Variants in MRTFA observed in about 807,000 individuals in gnomAD.
MRTFA encodes myocardin-related transcription factor A.
In MRTFA, 20 loss-of-function variants were observed where a neutral mutation model predicts 83.5. The observed-to-expected ratio is 0.24, with a 90% confidence interval of 0.17 to 0.35. The LOEUF (loss-of-function observed/expected upper bound fraction) is 0.35. Among genes scored for constraint, MRTFA ranks in the 10% least tolerant of loss-of-function variants. MRTFA has a pLI of 1.00. For missense variants in MRTFA, 1,200 were observed against 1,224.7 expected, an observed-to-expected ratio of 0.98 and a Z score of 0.30; for synonymous variants, 659 against 541.2, an observed-to-expected ratio of 1.22 and a Z score of -3.02.
chr22:40,476,628 AT>A (rs955195120), intron 3 of MRTFA, among the ~76,000 whole-genome samples: 1 of 151,914 alleles, frequency 6.6e-6, no homozygotes, highest in Non-Finnish European at 1.5e-5. Context: ...CAAATGGCTA[AT>A]TTTTTGTACA....
chr22:40,464,780 G>A (rs1035910893), intron 3 of MRTFA, among the ~76,000 whole-genome samples: 2 of 152,100 alleles, frequency 1.3e-5, no homozygotes, highest in Non-Finnish European at 2.9e-5. Context: ...AGCCAAACTT[G>A]TTTTCCTCCC....
At chr22:40,590,171 A>G (rs1426904292) in intron 2 of MRTFA, among the ~76,000 whole-genome samples, 1 of 152,180 alleles carries the variant, frequency 6.6e-6, no homozygotes, top group Non-Finnish European at 1.5e-5. Flanking sequence ...CTCTAAGAAG[A>G]TGTATTGCTA....
intron 3 of MRTFA, among the ~76,000 whole-genome samples, chr22:40,479,961 A>T (rs1323306966): frequency 6.6e-6 from 1 of 152,206 alleles, no homozygotes; most frequent in East Asian, 1.9e-4. Flanking sequence ...ACTTTCAAAG[A>T]ATAAGCTTAT....
chr22:40,573,829 G>A (rs181556466), intron 2 of MRTFA, among the ~76,000 whole-genome samples: 1 of 152,180 alleles, frequency 6.6e-6, no homozygotes, highest in African/African-American at 2.4e-5. Flanking sequence ...CCAGAACTTT[G>A]GGAGGCTGAG....
intron 3 of MRTFA, among the ~76,000 whole-genome samples, chr22:40,492,617 C>G (rs540608024): frequency 6.6e-6 from 1 of 152,296 alleles, no homozygotes; most frequent in South Asian, 2.1e-4. Context: ...CTCTCTCTTG[C>G]CCTCCCTCCC....
Position 40,471,804 on chromosome 22 carries a change from C to T in MRTFA, c.242-8518G>A, listed in dbSNP as rs1414237072. Among the ~76,000 whole-genome samples the T allele has an allele frequency of 2.6e-5, 4 of 151,832 alleles. No homozygotes were observed. The South Asian group carries it at 6.2e-4, about 24-fold the overall frequency. Reference sequence around the variant, plus strand: ...GGAAAATCACTTGAATCTGGGAGGTCGAGGCTGTAGTGAGCTGAGACCACA... The same window carrying T: ...GGAAAATCACTTGAATCTGGGAGGTTGAGGCTGTAGTGAGCTGAGACCACA... On this transcript the variant is annotated intron_variant, in intron 3 of 14. Transcript: ENST00000355630.
intron 4 of MRTFA, among the ~76,000 whole-genome samples, chr22:40,453,120 T>C (rs2053525143): frequency 1.3e-5 from 2 of 152,174 alleles, no homozygotes; most frequent in South Asian, 2.1e-4. Context: ...TGAAGCCACA[T>C]ACCTAACACA....
At chr22:40,569,710 A>G (rs879878336) in intron 2 of MRTFA, 20 of 149,022 alleles carry the variant, frequency 1.3e-4, no homozygotes, top group Non-Finnish European at 3.0e-4. Context: ...GCAAGACTCC[A>G]TAATTAATAC....
At chr22:40,441,915 G>C (rs1001004005) in intron 4 of MRTFA, among the ~76,000 whole-genome samples, 28 of 151,900 alleles carry the variant, frequency 1.8e-4, no homozygotes, top group African/African-American at 6.5e-4. Flanking sequence ...TCAGTGTGTC[G>C]ACACAGATGT....
At chr22:40,489,687 T>C (rs1199123949) in intron 3 of MRTFA, among the ~76,000 whole-genome samples, 1 of 151,960 alleles carries the variant, frequency 6.6e-6, no homozygotes. Flanking sequence ...CACTATAAAA[T>C]CAGCAAAGTA....
At chr22:40,541,183 G>A (rs2055284573) in intron 3 of MRTFA, among the ~76,000 whole-genome samples, 1 of 152,130 alleles carries the variant, frequency 6.6e-6, no homozygotes, top group African/African-American at 2.4e-5. Flanking sequence ...TCACCTACAG[G>A]ATAATCTTTA....
chr22:40,497,306 G>T (rs1195723147), intron 3 of MRTFA, among the ~76,000 whole-genome samples: 1 of 152,192 alleles, frequency 6.6e-6, no homozygotes. Flanking sequence ...AAAGGCAGAG[G>T]AACGCACAAA....
At chr22:40,496,824 C>T (rs2054362954) in intron 3 of MRTFA, among the ~76,000 whole-genome samples, 1 of 151,672 alleles carries the variant, frequency 6.6e-6, no homozygotes, top group Non-Finnish European at 1.5e-5. Context: ...AGCCAAAAAT[C>T]TTTTTCTCAA....
At chr22:40,547,723 C>T (rs528936707) in intron 3 of MRTFA, among the ~76,000 whole-genome samples, 2 of 151,860 alleles carry the variant, frequency 1.3e-5, no homozygotes, top group African/African-American at 4.8e-5. Context: ...GGCGTGGTGG[C>T]GTACGCCTGT....
intron 2 of MRTFA, among the ~76,000 whole-genome samples, chr22:40,588,473 A>G (rs1275967114): frequency 6.6e-6 from 1 of 152,156 alleles, no homozygotes; most frequent in African/African-American, 2.4e-5. Flanking sequence ...TCTCCCACCC[A>G]CAGTCACTTA....
intron 3 of MRTFA, among the ~76,000 whole-genome samples, chr22:40,549,867 C>T (rs2147309194): frequency 6.6e-6 from 1 of 152,184 alleles, no homozygotes; most frequent in Non-Finnish European, 1.5e-5. Context: ...GCCTGGTCAA[C>T]ATGGTGAAAC....
At chr22:40,463,151 T>C (rs2053744768) in intron 4 of MRTFA, 70 bp downstream of exon 4, 3 of 1,303,296 alleles carry the variant, frequency 2.3e-6, no homozygotes, top group East Asian at 4.6e-5. Flanking sequence ...ATGCTTCCCA[T>C]GGCATACTCG....
intron 3 of MRTFA, among the ~76,000 whole-genome samples, chr22:40,506,010 G>C (rs2054574441): frequency 6.6e-6 from 1 of 152,176 alleles, no homozygotes; most frequent in Non-Finnish European, 1.5e-5. Flanking sequence ...AAGGCAGGTG[G>C]ATCAACAGGT....
intron 2 of MRTFA, among the ~76,000 whole-genome samples, chr22:40,580,216 T>A (rs1402426584): frequency 6.6e-6 from 1 of 152,226 alleles, no homozygotes; most frequent in Non-Finnish European, 1.5e-5. Flanking sequence ...TTTCCTTTTT[T>A]GAGACAGGGT....
Sources: gnomAD v4.1 joint callset for allele counts (sites outside exome capture counted in the v4.1 genomes callset) on GRCh38, gnomAD v4.1.1 for gene constraint, MANE v1.5 for transcripts, NCBI Gene and HGNC (gene_info 2026-07-23, HGNC 2026-07-21) for gene names.